Variants in TNFRSF10A observed in about 807,000 individuals in gnomAD.
TNFRSF10A encodes TNF receptor superfamily member 10a, also known as tumor necrosis factor receptor superfamily member 10A.
In TNFRSF10A, 44 loss-of-function variants were observed where a neutral mutation model predicts 42.8. That is an observed-to-expected ratio of 1.03 (90% CI 0.81 to 1.32). The LOEUF is 1.32. Among genes scored for constraint, TNFRSF10A ranks in the 40% most tolerant of loss-of-function variants. TNFRSF10A has a pLI of 0.00. For missense variants in TNFRSF10A, 680 were observed against 602.0 expected, an observed-to-expected ratio of 1.13 and a Z score of -1.36; for synonymous variants, 259 against 234.2, an observed-to-expected ratio of 1.11 and a Z score of -0.97.
intron 2 of TNFRSF10A, among the ~76,000 whole-genome samples, chr8:23,210,669 G>A (rs1210648272): frequency 2.0e-5 from 3 of 152,136 alleles, no homozygotes; most frequent in Non-Finnish European, 4.4e-5. Context: ...GCAACAGAGT[G>A]AGACTCCATC....
intron 4 of TNFRSF10A, 121 bp downstream of exon 4, chr8:23,201,687 G>C (rs1471241603): frequency 2.3e-6 from 2 of 865,330 alleles, no homozygotes; most frequent in Non-Finnish European, 3.7e-6. Context: ...ACCTATGGGG[G>C]TGGAGGCACC....
At chr8:23,193,682 C>T (rs763729889) in intron 9 of TNFRSF10A, among the ~76,000 whole-genome samples, 3 of 152,232 alleles carry the variant, frequency 2.0e-5, no homozygotes, top group Non-Finnish European at 4.4e-5. Flanking sequence ...GCAGGTTGAT[C>T]AAACCTAACC....
rs1800743795 is a variant in TNFRSF10A, at chr8:23,190,827, CT to C, written c.*866del. The C allele has an allele frequency of 6.6e-6, 1 of 152,162 alleles. No homozygotes were observed. Among genetic ancestry groups the C allele is most frequent in the Non-Finnish European group, 1.5e-5 (1 of 68,074 alleles). The allele number at this position is 152,162 out of a possible 1,614,324, so 9.4% of individuals were successfully genotyped here. A position where few individuals can be genotyped will look rare whatever the true frequency, so the allele number is the denominator to read the frequency against. ...GCAGGACTTAATCCAGCCCAAAAAC[CT>C]AAGACCCAGGGAAGCCGATGGTGTA... On this transcript the variant is annotated 3_prime_UTR_variant, in exon 10 of 10. Coordinates refer to ENST00000221132, the MANE Select transcript of TNFRSF10A (RefSeq NM_003844.4).
intron 1 of TNFRSF10A, among the ~76,000 whole-genome samples, chr8:23,223,847 C>G (rs1801290984): frequency 6.6e-6 from 1 of 152,208 alleles, no homozygotes; most frequent in African/African-American, 2.4e-5. Flanking sequence ...AAGGGCGTGC[C>G]CCGCTCCTGG....
intron 8 of TNFRSF10A, among the ~76,000 whole-genome samples, chr8:23,197,892 A>T (rs1800847208): frequency 6.6e-6 from 1 of 152,206 alleles, no homozygotes; most frequent in Non-Finnish European, 1.5e-5. Context: ...AGAGTGGAGG[A>T]TGCTCTCTTT....
At chr8:23,217,545 C>T (rs1801201342) in intron 1 of TNFRSF10A, among the ~76,000 whole-genome samples, 1 of 151,904 alleles carries the variant, frequency 6.6e-6, no homozygotes, top group South Asian at 2.1e-4. Flanking sequence ...AAAAATAGTA[C>T]CTTAAAAAAA....
chr8:23,196,678 C>A (rs773972422), intron 9 of TNFRSF10A, among the ~76,000 whole-genome samples: 1 of 152,214 alleles, frequency 6.6e-6, no homozygotes, highest in Non-Finnish European at 1.5e-5. Flanking sequence ...CTAGACCCAA[C>A]ACCTGGTGTT....
intron 8 of TNFRSF10A, among the ~76,000 whole-genome samples, chr8:23,198,893 T>C (rs1800866511): frequency 6.6e-6 from 1 of 152,256 alleles, no homozygotes; most frequent in South Asian, 2.1e-4. Flanking sequence ...TAGATCCAAA[T>C]ATGTTTAATG....
intron 1 of TNFRSF10A, among the ~76,000 whole-genome samples, chr8:23,222,026 G>A (rs1295494153): frequency 6.6e-6 from 1 of 151,954 alleles, no homozygotes; most frequent in African/African-American, 2.4e-5. Flanking sequence ...ACAGGCGCCC[G>A]CCACCGTGCC....
chr8:23,193,087 C>T (rs1800777365), intron 9 of TNFRSF10A, among the ~76,000 whole-genome samples: 2 of 152,180 alleles, frequency 1.3e-5, no homozygotes, highest in African/African-American at 4.8e-5. Flanking sequence ...TGAGACTGAG[C>T]TCCCATCTCT....
At chr8:23,194,224 G>C (rs1459885313) in intron 9 of TNFRSF10A, among the ~76,000 whole-genome samples, 1 of 152,156 alleles carries the variant, frequency 6.6e-6, no homozygotes, top group Non-Finnish European at 1.5e-5. Flanking sequence ...ATGTGTTTAT[G>C]TGTATGTACA....
Position 23,191,490 on chromosome 8 carries a change from G to T in TNFRSF10A, c.*204C>A. 1 of 657,604 alleles carries T rather than the reference G, an allele frequency of 1.5e-6. No individual in the cohort carries two copies. The allele number at this position is 657,604 out of a possible 1,614,324, so 40.7% of individuals were successfully genotyped here. On this transcript the variant is annotated 3_prime_UTR_variant, in exon 10 of 10. Coordinates refer to ENST00000221132, the MANE Select transcript of TNFRSF10A (RefSeq NM_003844.4). ...ATTTTTGTATTTTTTTGTAAAGACG[G>T]CATTTCACGATGTTGGTCAGGCTGG...
rs776374361 is a variant in TNFRSF10A at position 23,199,888 on chromosome 8, T to G, written c.829A>C (p.Arg277=). The change falls in exon 7 of 10, where the codon AGG becomes CGG. Residue 277 remains arginine, a splice_region_variant and synonymous_variant. Coordinates refer to ENST00000221132, the MANE Select transcript of TNFRSF10A (RefSeq NM_003844.4). ...GCGGDPKCMD[R]VCFWRLGLLR... Reference sequence around the variant, plus strand: ...AGCTCCTGGAGAAATCAACTCACCCTGTCCATGCACTTGGGGTCCCCTCCA... The same window carrying G: ...AGCTCCTGGAGAAATCAACTCACCCGGTCCATGCACTTGGGGTCCCCTCCA... 1.3e-5 allele frequency: 21 copies of G among 1,614,024 alleles called. No homozygotes were observed. Among genetic ancestry groups the G allele is most frequent in the Non-Finnish European group, 1.7e-5 (20 of 1,179,992 alleles).
chr8:23,192,040 C>T (rs1359492646), intron 9 of TNFRSF10A, 27 bp from the exon 10 acceptor site: 2 of 1,595,550 alleles, frequency 1.3e-6, no homozygotes, highest in East Asian at 2.2e-5. Context: ...ACAGAGACAG[C>T]CAGATGAGTT....
At chr8:23,204,121 C>T (rs1020792197) in intron 2 of TNFRSF10A, among the ~76,000 whole-genome samples, 2 of 151,864 alleles carry the variant, frequency 1.3e-5, no homozygotes, top group Non-Finnish European at 2.9e-5. Flanking sequence ...ATGACACTAT[C>T]GATGATAAAA....
At chr8:23,215,794 T>G (rs1318230612) in intron 1 of TNFRSF10A, among the ~76,000 whole-genome samples, 1 of 152,086 alleles carries the variant, frequency 6.6e-6, no homozygotes, top group African/African-American at 2.4e-5. Context: ...TTGTTCTTTT[T>G]TTCTTTTAAA....
chr8:23,196,609 C>T (rs1328163177), intron 9 of TNFRSF10A, among the ~76,000 whole-genome samples: 1 of 152,222 alleles, frequency 6.6e-6, no homozygotes, highest in African/African-American at 2.4e-5. Context: ...TGAAAGTATT[C>T]TTCCTTGTCA....
chr8:23,217,574 G>A (rs368689329), intron 1 of TNFRSF10A, among the ~76,000 whole-genome samples: 1 of 152,148 alleles, frequency 6.6e-6, no homozygotes, highest in African/African-American at 2.4e-5. Flanking sequence ...CTAATAGCAA[G>A]TGAAAACCTG....
intron 2 of TNFRSF10A, among the ~76,000 whole-genome samples, chr8:23,204,462 T>C (rs955555761): frequency 6.6e-6 from 1 of 152,196 alleles, no homozygotes; most frequent in Non-Finnish European, 1.5e-5. Flanking sequence ...CAAAGCATAG[T>C]TTCCTTAACC....
Sources: allele counts gnomAD v4.1 joint callset (sites outside exome capture counted in the v4.1 genomes callset), GRCh38; gene constraint gnomAD v4.1.1; transcripts MANE v1.5; gene names NCBI Gene and HGNC (gene_info 2026-07-23, HGNC 2026-07-21).